The following SLC14A2 variants were observed in gnomAD, a reference collection of about 807,000 sequenced individuals.
SLC14A2 encodes the protein solute carrier family 14 member 2.
Under a neutral mutation model 104.6 loss-of-function variants are expected in SLC14A2, and 91 were observed. That is an observed-to-expected ratio of 0.87 (90% CI 0.73 to 1.04). SLC14A2 has a LOEUF of 1.04. SLC14A2 is among the 50% of genes least tolerant of loss of function. The pLI is 0.00. For synonymous variants in SLC14A2, 476 were observed against 466.4 expected (o/e 1.02, Z -0.27); for missense variants, 1,189 against 1,156.0 (o/e 1.03, Z -0.41).
the SLC14A2 span, among the ~76,000 whole-genome samples, chr18:45,203,406 T>C: frequency 6.6e-6 from 1 of 152,234 alleles, no homozygotes; most frequent in Non-Finnish European, 1.5e-5. Flanking sequence ...CCTAGCTCTT[T>C]CTTTAATGTT....
chr18:45,603,010 T>C (rs1348471038), intron 2 of SLC14A2, among the ~76,000 whole-genome samples: 1 of 152,244 alleles, frequency 6.6e-6, no homozygotes, highest in Non-Finnish European at 1.5e-5. Context: ...ATAGATTCTA[T>C]CAAAAAAGTA....
chr18:45,340,196 T>A (rs1032326170), intron 1 of SLC14A2, among the ~76,000 whole-genome samples: 1 of 152,204 alleles, frequency 6.6e-6, no homozygotes, highest in African/African-American at 2.4e-5. Context: ...GTTCATCATC[T>A]CCAAATTTTG....
chr18:45,223,093 T>A (rs187369590), intron 1 of SLC14A2, among the ~76,000 whole-genome samples: 1 of 152,372 alleles, frequency 6.6e-6, no homozygotes, highest in East Asian at 1.9e-4. Flanking sequence ...ATTATAGTTA[T>A]TATTTCATTC....
At chr18:45,453,116 T>A (rs998962250) in intron 1 of SLC14A2, among the ~76,000 whole-genome samples, 6 of 152,160 alleles carry the variant, frequency 3.9e-5, no homozygotes, top group Non-Finnish European at 8.8e-5. Flanking sequence ...GCCTTGAGGA[T>A]ATCTTCTGCT....
At chr18:45,535,397 A>G (rs191772778) in intron 2 of SLC14A2, among the ~76,000 whole-genome samples, 4 of 152,344 alleles carry the variant, frequency 2.6e-5, no homozygotes, top group African/African-American at 9.6e-5. Flanking sequence ...AATAAAAGTT[A>G]AGGAATGAAG....
chr18:45,483,064 G>A (rs2087527463), intron 1 of SLC14A2: 1 of 152,014 alleles, frequency 6.6e-6, no homozygotes, highest in Non-Finnish European at 1.5e-5. Flanking sequence ...GTATCTAGAT[G>A]GTGGAATAAC....
intron 2 of SLC14A2, among the ~76,000 whole-genome samples, chr18:45,545,014 G>T (rs559411450): frequency 6.6e-6 from 1 of 151,824 alleles, no homozygotes; most frequent in Non-Finnish European, 1.5e-5. Flanking sequence ...GGCTGGTCTC[G>T]AACTCCCGAC....
intron 1 of SLC14A2, among the ~76,000 whole-genome samples, chr18:45,225,084 G>T (rs2084100921): frequency 6.6e-6 from 1 of 152,274 alleles, no homozygotes; most frequent in Non-Finnish European, 1.5e-5. Flanking sequence ...TGTCCTGAAT[G>T]CTATTGCCTA....
chr18:45,562,732 A>G (rs1396943053), intron 2 of SLC14A2, among the ~76,000 whole-genome samples: 1 of 152,152 alleles, frequency 6.6e-6, no homozygotes, highest in East Asian at 1.9e-4. Flanking sequence ...TCAAGGAGAA[A>G]ACAATTAGGG....
At chr18:45,387,550 A>G (rs1203611599) in intron 1 of SLC14A2, among the ~76,000 whole-genome samples, 1 of 152,206 alleles carries the variant, frequency 6.6e-6, no homozygotes, top group Non-Finnish European at 1.5e-5. Context: ...AGGATATATT[A>G]GTTCACAATT....
intron 2 of SLC14A2, among the ~76,000 whole-genome samples, chr18:45,504,668 T>G (rs2043254221): frequency 6.6e-6 from 1 of 152,220 alleles, no homozygotes; most frequent in African/African-American, 2.4e-5. Context: ...GTTACACATC[T>G]TGCATTACCC....
chr18:45,570,841 T>TTGTG (rs2044334910), intron 2 of SLC14A2, among the ~76,000 whole-genome samples: 1 of 152,156 alleles, frequency 6.6e-6, no homozygotes, highest in South Asian at 2.1e-4. Context: ...ATGAAATTTA[T>TTGTG]TGTGTCTCTC....
intron 1 of SLC14A2, among the ~76,000 whole-genome samples, chr18:45,275,282 C>T (rs1483788325): frequency 6.6e-6 from 1 of 152,156 alleles, no homozygotes; most frequent in East Asian, 1.9e-4. Flanking sequence ...TATATCTCCA[C>T]TACATTGGAA....
chr18:45,560,104 TATTC>T (rs1417894789), intron 2 of SLC14A2, among the ~76,000 whole-genome samples: 1 of 152,218 alleles, frequency 6.6e-6, no homozygotes, highest in African/African-American at 2.4e-5. Context: ...GTCATCTGCC[TATTC>T]ATTCTGACTG....
chr18:45,650,165 T>A lies in SLC14A2; in HGVS notation c.1351+6005T>A, dbSNP rs571038592. On this transcript the variant is annotated intron_variant, in intron 10 of 19. Coordinates refer to ENST00000255226, the MANE Select transcript of SLC14A2 (RefSeq NM_007163.4). ...TCTGCTTTGAGATATTCCTTCCATT[T>A]GACCTTCCATTTGACCAGGCCAGTG... is the stretch of plus-strand genomic sequence containing the variant. 7.9e-3 allele frequency among the ~76,000 whole-genome samples: 167 copies of A among 21,144 alleles called. 1 individual carries two copies. The highest frequency in any genetic ancestry group is 5.2e-3 in the South Asian group (3 of 576). 13.9% of individuals were successfully genotyped at this position (21,144 alleles called of 152,430 possible). A position where few individuals can be genotyped will look rare whatever the true frequency, so the allele number is the denominator to read the frequency against.
At chr18:45,244,710 C>T (rs1286334790) in intron 1 of SLC14A2, among the ~76,000 whole-genome samples, 1 of 152,120 alleles carries the variant, frequency 6.6e-6, no homozygotes, top group Admixed American at 6.5e-5. Context: ...AAGCCCAAAT[C>T]AGCAAGAAAG....
At chr18:45,344,207 T>C (rs540030342) in intron 1 of SLC14A2, among the ~76,000 whole-genome samples, 70 of 152,308 alleles carry the variant, frequency 4.6e-4, no homozygotes, top group African/African-American at 1.3e-3. Flanking sequence ...GATCTATTCA[T>C]TGGGGGACTA....
chr18:45,234,399 T>G (rs926140815), intron 1 of SLC14A2, among the ~76,000 whole-genome samples: 2 of 152,240 alleles, frequency 1.3e-5, no homozygotes, highest in African/African-American at 4.8e-5. Context: ...AAGTCTTTAC[T>G]TACACAAGCA....
intron 2 of SLC14A2, among the ~76,000 whole-genome samples, chr18:45,517,200 T>G (rs2043453271): frequency 1.3e-5 from 2 of 152,220 alleles, no homozygotes; most frequent in Non-Finnish European, 2.9e-5. Flanking sequence ...CACAGATTCA[T>G]CTGCCTCTGG....
Sources: allele counts gnomAD v4.1 joint callset (sites outside exome capture counted in the v4.1 genomes callset), GRCh38; gene constraint gnomAD v4.1.1; transcripts MANE v1.5; gene names NCBI Gene and HGNC (gene_info 2026-07-23, HGNC 2026-07-21).